PRPF19: variants seen among roughly 807,000 people sequenced by gnomAD.
PRPF19 encodes pre-mRNA-processing factor 19.
A neutral mutation model predicts 64.2 loss-of-function variants in PRPF19; 2 were observed. The ratio of observed to expected loss-of-function variants is 0.03; its 90% CI spans 0.01 to 0.10. The LOEUF is 0.10. PRPF19 is among the 10% of genes least tolerant of loss of function. PRPF19 has a pLI of 1.00. For missense variants in PRPF19, 314 were observed against 650.0 expected (o/e 0.48, Z 5.62); for synonymous variants, 226 against 251.6 (o/e 0.90, Z 0.96).
chr11:60,899,020 G>A, intron 11 of PRPF19, 89 bp from the exon 12 acceptor site: 1 of 1,498,812 alleles, frequency 6.7e-7, no homozygotes, highest in Non-Finnish European at 9.0e-7. Flanking sequence ...CCCTGGTTTG[G>A]CAAACCCTGG....
intron 15 of PRPF19, among the ~76,000 whole-genome samples, chr11:60,893,340 A>G (rs1309363408): frequency 6.6e-6 from 1 of 151,512 alleles, no homozygotes; most frequent in Non-Finnish European, 1.5e-5. Flanking sequence ...AAATACAAGT[A>G]CAAAAAAAAA....
rs528215636 is a variant in PRPF19 at position 60,899,287 on chromosome 11, A to T, written c.846T>A (p.Ala282=). The part of the protein sequence containing the change: ...FHPSQDLVFS[A]SPDATIRIWS... ...AAATCCTGATAGTGGCATCGGGGGAAGCAGAAAACACCAGGTCCTACAAGG... is the reference window on the plus strand; with the variant it reads ...AAATCCTGATAGTGGCATCGGGGGATGCAGAAAACACCAGGTCCTACAAGG... The change falls in exon 11 of 16, where the codon GCT becomes GCA. Residue 282 remains alanine, a synonymous_variant. Coordinates refer to ENST00000227524, the MANE Select transcript of PRPF19 (RefSeq NM_014502.5). 1.2e-6 allele frequency: 2 copies of T among 1,612,364 alleles called. No individual in the cohort carries two copies. Among genetic ancestry groups the T allele is most frequent in the Admixed American group, 1.7e-5 (1 of 60,016 alleles).
chr11:60,906,317 G>T, intron 1 of PRPF19, 47 bp downstream of exon 1: 1 of 1,576,098 alleles, frequency 6.3e-7, no homozygotes, highest in African/African-American at 1.4e-5. Flanking sequence ...CTCCCGCGCC[G>T]CTCTCTGGCC....
At position 60,890,790 on chromosome 11, in the gene PRPF19, C is replaced by T. The variant is rs1202871510; in HGVS notation, c.*376G>A. The T allele has an allele frequency of 4.3e-6, 2 of 466,946 alleles. No homozygotes were observed. Among genetic ancestry groups the T allele is most frequent in the African/African-American group, 4.0e-5 (2 of 50,444 alleles). 28.9% of individuals were successfully genotyped at this position (466,946 alleles called of 1,614,324 possible). A position where few individuals can be genotyped will look rare whatever the true frequency, so the allele number is the denominator to read the frequency against. ...GCTTACAAAACCCTGCACAAGCCCT[C>T]CTGCCCATCCCCTTCACAGTTCCCT... On this transcript the variant is annotated 3_prime_UTR_variant, in exon 16 of 16. Transcript: ENST00000227524.
Position 60,906,460 on chromosome 11 carries a change from TC to T in PRPF19, c.-79del. On this transcript the variant is annotated 5_prime_UTR_variant, in exon 1 of 16. Coordinates refer to ENST00000227524, the MANE Select transcript of PRPF19 (RefSeq NM_014502.5). Reference sequence around the variant, plus strand: ...CTGAGCCTCCGCGAGCCACTTCCGGTCCCCCGCTGCTGCCGGGACTGCTCCG... The same window carrying T: ...CTGAGCCTCCGCGAGCCACTTCCGGTCCCCGCTGCTGCCGGGACTGCTCCG... 2 of 1,458,908 alleles carry T rather than the reference TC, an allele frequency of 1.4e-6. No homozygotes were observed. The highest frequency in any genetic ancestry group is 9.3e-7 in the Non-Finnish European group (1 of 1,075,576). 90.4% of individuals were successfully genotyped at this position (1,458,908 alleles called of 1,614,324 possible). A position where few individuals can be genotyped will look rare whatever the true frequency, so the allele number is the denominator to read the frequency against.
At chr11:60,903,975 A>G in intron 1 of PRPF19, 114 bp from the exon 2 acceptor site, 1 of 1,315,038 alleles carries the variant, frequency 7.6e-7, no homozygotes, top group Non-Finnish European at 1.0e-6. Flanking sequence ...CAACTAGCAG[A>G]AAGCAAGACA....
Position 60,906,459 on chromosome 11 carries a change from G to T in PRPF19, c.-77C>A. 1.4e-6 allele frequency: 2 copies of T among 1,460,938 alleles called. No homozygotes were observed. The highest frequency in any genetic ancestry group is 1.9e-6 in the Non-Finnish European group (2 of 1,076,966). The allele number at this position is 1,460,938 out of a possible 1,614,324, so 90.5% of individuals were successfully genotyped here. A position where few individuals can be genotyped will look rare whatever the true frequency, so the allele number is the denominator to read the frequency against. On this transcript the variant is annotated 5_prime_UTR_variant, in exon 1 of 16. Transcript: ENST00000227524. The stretch of plus-strand genomic sequence containing the variant: ...TCTGAGCCTCCGCGAGCCACTTCCG[G>T]TCCCCCGCTGCTGCCGGGACTGCTC...
At chr11:60,905,306 T>C (rs1856033237) in intron 1 of PRPF19, 1 of 152,194 alleles carries the variant, frequency 6.6e-6, no homozygotes, top group Admixed American at 6.5e-5. Context: ...AGGATGGTGC[T>C]GGGGAACGTA....
At position 60,901,365 on chromosome 11, in the gene PRPF19, C is replaced by G. The variant is rs935122017; in HGVS notation, c.572G>C (p.Gly191Ala). 2 of 1,614,218 alleles carry G rather than the reference C, an allele frequency of 1.2e-6. No homozygotes were observed. The highest frequency in any genetic ancestry group is 1.3e-5 in the African/African-American group (1 of 75,060). Residue 191 changes from glycine (G) to alanine (A), a missense_variant, in exon 8 of 16, where the codon GGG becomes GCG. By Grantham distance (60) the Gly-to-Ala change is moderately conservative. Around this residue, in one of 7 missense-constraint regions of PRPF19, gnomAD observed 175 missense variants for 342.9 expected, o/e 0.51. Coordinates refer to ENST00000227524, the MANE Select transcript of PRPF19 (RefSeq NM_014502.5). Reference protein sequence around the residue: ...TVLTTERKKRGKTVPEELVKP... With the variant: ...TVLTTERKKRAKTVPEELVKP... The stretch of plus-strand genomic sequence containing the variant: ...CACCAGCTCCTCAGGCACAGTCTTC[C>G]CTCTCTGAGAAAATGAAAAGCCCCC...
chr11:60,897,000 T>A (rs1855929456), intron 15 of PRPF19, among the ~76,000 whole-genome samples: 1 of 152,134 alleles, frequency 6.6e-6, no homozygotes, highest in Non-Finnish European at 1.5e-5. Flanking sequence ...GAAGAAAAAG[T>A]TTTTTATGAA....
At chr11:60,893,191 T>C (rs765329967) in intron 15 of PRPF19, among the ~76,000 whole-genome samples, 8 of 152,168 alleles carry the variant, frequency 5.3e-5, no homozygotes, top group Non-Finnish European at 1.0e-4. Flanking sequence ...ACACTGCCAG[T>C]TGTATAAAAG....
chr11:60,898,378 G>A lies in PRPF19; in HGVS notation c.1141-107C>T. On this transcript the variant is annotated intron_variant, in intron 13 of 15. Coordinates refer to ENST00000227524, the MANE Select transcript of PRPF19 (RefSeq NM_014502.5). This position sits in a 1 kb window ranked among gnomAD's most constrained non-coding sequence, Gnocchi z 4.6. ...GATGTCCCTCACGTCCTTCCAGGAA[G>A]GACAGCCAGCGGGACCCCCCAGACC... 1.3e-6 allele frequency: 2 copies of A among 1,518,350 alleles called. No homozygotes were observed. The highest frequency in any genetic ancestry group is 8.9e-7 in the Non-Finnish European group (1 of 1,125,814). The allele number at this position is 1,518,350 out of a possible 1,614,324, so 94.1% of individuals were successfully genotyped here. A position where few individuals can be genotyped will look rare whatever the true frequency, so the allele number is the denominator to read the frequency against.
intron 6 of PRPF19, 26 bp from the exon 7 acceptor site, chr11:60,901,566 G>C: frequency 6.2e-7 from 1 of 1,613,630 alleles, no homozygotes; most frequent in Non-Finnish European, 8.5e-7. Context: ...CTCAATGTGA[G>C]ACAAATCATC....
rs1855988808 is a variant in PRPF19, at chr11:60,902,062, A to T, written c.525+341T>A. 6.6e-6 allele frequency among the ~76,000 whole-genome samples: 1 copy of T among 152,252 alleles called. No homozygotes were observed. The highest frequency in any genetic ancestry group is 2.4e-5 in the African/African-American group (1 of 41,464). On this transcript the variant is annotated intron_variant, in intron 6 of 15. Transcript: ENST00000227524. This position sits in a 1 kb window ranked among gnomAD's most constrained non-coding sequence, Gnocchi z 5.0. Reference sequence around the variant, plus strand: ...ACAAGAAAATATATAAAAGTAGTTTACTATCTGCAAAGAATCTCAATAACA... The same window carrying T: ...ACAAGAAAATATATAAAAGTAGTTTTCTATCTGCAAAGAATCTCAATAACA...
chr11:60,898,712 C>G lies in PRPF19; in HGVS notation c.1055-86G>C. 1.3e-6 allele frequency: 2 copies of G among 1,599,260 alleles called. No homozygotes were observed. Among genetic ancestry groups the G allele is most frequent in the Non-Finnish European group, 1.7e-6 (2 of 1,171,732 alleles). ...GCAAAGGTAGGTTCCTTGTTCTTCACATTCCTCAGTGAACCCAGCACAAAG... is the reference window on the plus strand; with the variant it reads ...GCAAAGGTAGGTTCCTTGTTCTTCAGATTCCTCAGTGAACCCAGCACAAAG... On this transcript the variant is annotated intron_variant, in intron 12 of 15. Coordinates refer to ENST00000227524, the MANE Select transcript of PRPF19 (RefSeq NM_014502.5). The surrounding 1 kb of genome is among the most constrained non-coding windows in gnomAD (Gnocchi z 4.6).
intron 1 of PRPF19, among the ~76,000 whole-genome samples, chr11:60,905,097 C>T (rs1856029390): frequency 1.3e-5 from 2 of 152,168 alleles, no homozygotes; most frequent in African/African-American, 2.4e-5. Context: ...TTTCTATGTG[C>T]CAAGCACAAT....
In PRPF19 at chr11:60,891,129, T is replaced by C. The variant is rs750597480; in HGVS notation, c.*37A>G. Reference sequence around the variant, plus strand: ...CCAAACCCTAATTCTACCCCTCTACTGAGATGAGGCCCAGCTTCCATCAGA... The same window carrying C: ...CCAAACCCTAATTCTACCCCTCTACCGAGATGAGGCCCAGCTTCCATCAGA... On this transcript the variant is annotated 3_prime_UTR_variant, in exon 16 of 16. Transcript: ENST00000227524. The C allele has an allele frequency of 3.1e-6, 2 of 642,688 alleles. No individual in the cohort carries two copies. The highest frequency in any genetic ancestry group is 2.5e-6 in the Non-Finnish European group (1 of 394,404). The allele number at this position is 642,688 out of a possible 1,614,324, so 39.8% of individuals were successfully genotyped here. A position where few individuals can be genotyped will look rare whatever the true frequency, so the allele number is the denominator to read the frequency against.
At chr11:60,904,818 G>A (rs1856025192) in intron 1 of PRPF19, among the ~76,000 whole-genome samples, 1 of 152,188 alleles carries the variant, frequency 6.6e-6, no homozygotes, top group African/African-American at 2.4e-5. Flanking sequence ...ACAAAGGCAT[G>A]ATTCAATAAA....
In PRPF19 at chr11:60,903,540, C is replaced by A. The variant is rs201732241; in HGVS notation, c.170-5G>T. 1.2e-6 allele frequency: 2 copies of A among 1,613,810 alleles called. No homozygotes were observed. The highest frequency in any genetic ancestry group is 2.2e-5 in the East Asian group (1 of 44,888). On this transcript the variant is annotated splice_polypyrimidine_tract_variant and splice_region_variant and intron_variant, in intron 2 of 15. Coordinates refer to ENST00000227524, the MANE Select transcript of PRPF19 (RefSeq NM_014502.5). ...TGGGCCGGATTGGGTGAGCAACTGC[C>A]GAAAGGGAAAGCAGGTATGAAGAAC...
Sources: gnomAD v4.1 joint callset for allele counts (sites outside exome capture counted in the v4.1 genomes callset) on GRCh38, gnomAD v4.1.1 for gene constraint, gnomAD v4.1.1 regional missense constraint, Gnocchi (gnomAD v3.1) non-coding constraint, MANE v1.5 for transcripts, NCBI Gene and HGNC (gene_info 2026-07-23, HGNC 2026-07-21) for gene names.